The following ZBTB7C variants were observed in gnomAD, a reference collection of about 807,000 sequenced individuals.
ZBTB7C encodes the protein zinc finger and BTB domain containing 7C.
A neutral mutation model predicts 25.7 loss-of-function variants in ZBTB7C; 8 were observed. The observed-to-expected ratio is 0.31, with a 90% CI of 0.18 to 0.56. The LOEUF (loss-of-function observed/expected upper bound fraction) is 0.56, where lower values mean the gene tolerates loss of function less well. Among genes scored for constraint, ZBTB7C ranks in the 20% least tolerant of loss-of-function variants. The pLI is 0.91. For missense variants in ZBTB7C, 824 were observed against 855.2 expected (o/e 0.96, Z 0.46); for synonymous variants, 394 against 369.0 (o/e 1.07, Z -0.78).
intron 2 of ZBTB7C, among the ~76,000 whole-genome samples, chr18:48,198,956 T>G (rs1244232704): frequency 6.6e-6 from 1 of 152,202 alleles, no homozygotes; most frequent in Admixed American, 6.5e-5. Context: ...TCTGAGCCCA[T>G]GCCTACCTGA....
At chr18:48,123,945 C>T (rs1162393083) in intron 3 of ZBTB7C, among the ~76,000 whole-genome samples, 1 of 152,114 alleles carries the variant, frequency 6.6e-6, no homozygotes, top group Non-Finnish European at 1.5e-5. Flanking sequence ...CCCTGATGGA[C>T]AAGAGGTGAT....
At chr18:48,239,072 T>C (rs928391997) in intron 2 of ZBTB7C, among the ~76,000 whole-genome samples, 8 of 152,238 alleles carry the variant, frequency 5.3e-5, no homozygotes, top group African/African-American at 1.9e-4. Context: ...GTGACCTGTA[T>C]GACATAGTAG....
intron 1 of ZBTB7C, among the ~76,000 whole-genome samples, chr18:48,396,454 C>T (rs2048030390): frequency 6.6e-6 from 1 of 152,206 alleles, no homozygotes; most frequent in Admixed American, 6.5e-5. Flanking sequence ...GAGTCCACCA[C>T]CTACTCATAC....
At chr18:48,104,029 T>A (rs879874055) in intron 3 of ZBTB7C, among the ~76,000 whole-genome samples, 1 of 152,158 alleles carries the variant, frequency 6.6e-6, no homozygotes, top group Non-Finnish European at 1.5e-5. Flanking sequence ...TGGGGATGGT[T>A]GCAAACTCCG....
chr18:48,250,266 G>A (rs1029968953), intron 2 of ZBTB7C, among the ~76,000 whole-genome samples: 2 of 152,056 alleles, frequency 1.3e-5, no homozygotes, highest in Non-Finnish European at 2.9e-5. Flanking sequence ...CTTCCCCTTG[G>A]GGAACAGATT....
chr18:48,145,665 C>A (rs1008694839), intron 3 of ZBTB7C, among the ~76,000 whole-genome samples: 1 of 152,144 alleles, frequency 6.6e-6, no homozygotes, highest in Non-Finnish European at 1.5e-5. Flanking sequence ...GACCAGTGAG[C>A]TTTGTATTAC....
chr18:48,271,949 CA>C (rs1472277984), intron 2 of ZBTB7C, among the ~76,000 whole-genome samples: 1 of 152,154 alleles, frequency 6.6e-6, no homozygotes, highest in Non-Finnish European at 1.5e-5. Flanking sequence ...TCACTGAATT[CA>C]AAGTCCTATC....
chr18:48,081,472 T>C (rs76414638), intron 3 of ZBTB7C, among the ~76,000 whole-genome samples: 1 of 151,262 alleles, frequency 6.6e-6, no homozygotes, highest in Non-Finnish European at 1.5e-5. Flanking sequence ...TTTTTTTTTT[T>C]GGTTGAGATA....
At chr18:48,140,796 C>G (rs753991787) in intron 3 of ZBTB7C, among the ~76,000 whole-genome samples, 8 of 152,142 alleles carry the variant, frequency 5.3e-5, no homozygotes, top group Admixed American at 6.5e-5. Context: ...TCCTGGCCCC[C>G]ACCCGCGCCC....
chr18:48,264,723 A>C (rs1568339079), intron 2 of ZBTB7C, among the ~76,000 whole-genome samples: 1 of 152,150 alleles, frequency 6.6e-6, no homozygotes, highest in Non-Finnish European at 1.5e-5. Flanking sequence ...CACATGGGGA[A>C]TGGTGACTAA....
At chr18:48,176,088 C>A (rs1052394848) in intron 3 of ZBTB7C, among the ~76,000 whole-genome samples, 4 of 152,092 alleles carry the variant, frequency 2.6e-5, no homozygotes, top group African/African-American at 9.7e-5. Flanking sequence ...AAAAAATCAT[C>A]CTATAATGGA....
intron 2 of ZBTB7C, among the ~76,000 whole-genome samples, chr18:48,244,503 C>T (rs1446032239): frequency 1.3e-5 from 2 of 152,114 alleles, no homozygotes; most frequent in African/African-American, 2.4e-5. Context: ...AGTAAACAGA[C>T]AACCCACAGA....
At chr18:48,282,266 A>T (rs1394929056) in intron 2 of ZBTB7C, among the ~76,000 whole-genome samples, 3 of 134,932 alleles carry the variant, frequency 2.2e-5, no homozygotes, top group East Asian at 2.3e-4. Context: ...AACAATGAGA[A>T]CACATGGACA....
intron 3 of ZBTB7C, among the ~76,000 whole-genome samples, chr18:48,156,664 A>G (rs898227826): frequency 8.5e-5 from 13 of 152,212 alleles, no homozygotes; most frequent in African/African-American, 3.1e-4. Flanking sequence ...TGCCCAAACA[A>G]TAGGAAGCCT....
chr18:48,266,637 C>T (rs2044322641), intron 2 of ZBTB7C, among the ~76,000 whole-genome samples: 1 of 152,182 alleles, frequency 6.6e-6, no homozygotes, highest in African/African-American at 2.4e-5. Context: ...CACACAACCC[C>T]CCTAGCATCC....
At chr18:48,344,322 C>T (rs1045672886) in intron 1 of ZBTB7C, among the ~76,000 whole-genome samples, 28 of 152,168 alleles carry the variant, frequency 1.8e-4, no homozygotes, top group African/African-American at 6.0e-4. Flanking sequence ...CAAACTTCTA[C>T]GTGCTTATGA....
intron 3 of ZBTB7C, chr18:48,148,647 T>C (rs558048403): frequency 5.9e-5 from 9 of 152,324 alleles, no homozygotes; most frequent in African/African-American, 2.2e-4. Context: ...GAAGAGAAGA[T>C]CTACCCAAAA....
chr18:48,260,602 C>T (rs951479841), intron 2 of ZBTB7C, among the ~76,000 whole-genome samples: 3 of 152,182 alleles, frequency 2.0e-5, no homozygotes, highest in Non-Finnish European at 4.4e-5. Context: ...CAGATCAAGG[C>T]AGACTGCAAC....
At chr18:48,190,259 GAAC>G (rs956411965) in intron 2 of ZBTB7C, among the ~76,000 whole-genome samples, 3 of 152,116 alleles carry the variant, frequency 2.0e-5, no homozygotes, top group Non-Finnish European at 4.4e-5. Flanking sequence ...ACTCTGTAAG[GAAC>G]AACATTAATA....
Sources: gnomAD v4.1 joint callset for allele counts (sites outside exome capture counted in the v4.1 genomes callset) on GRCh38, gnomAD v4.1.1 for gene constraint, MANE v1.5 for transcripts, NCBI Gene and HGNC (gene_info 2026-07-23, HGNC 2026-07-21) for gene names.